Variants in FGGY observed in about 807,000 individuals in gnomAD.
FGGY encodes the protein FGGY carbohydrate kinase domain containing, also known as FGGY carbohydrate kinase domain-containing protein.
Under a neutral mutation model 71.3 loss-of-function variants are expected in FGGY, and 72 were observed. The ratio of observed to expected loss-of-function variants is 1.01; its 90% CI spans 0.84 to 1.23. The LOEUF is 1.23. Ranked by LOEUF, FGGY falls within the 50% of genes most tolerant of loss-of-function variation. The pLI is 0.00. For synonymous variants in FGGY, 251 were observed against 250.3 expected (o/e 1.00, Z -0.02); for missense variants, 668 against 682.3 (o/e 0.98, Z 0.23).
intron 7 of FGGY, among the ~76,000 whole-genome samples, chr1:59,537,400 A>G (rs1352892791): frequency 6.6e-6 from 1 of 152,232 alleles, no homozygotes; most frequent in African/African-American, 2.4e-5. Flanking sequence ...AAGAATCAAT[A>G]TCATGAAAAT....
At chr1:59,394,621 G>A (rs835427) in intron 5 of FGGY, among the ~76,000 whole-genome samples, 8,151 of 152,114 alleles carry the variant, frequency 0.054, 696 homozygotes, top group African/African-American at 0.19. Context: ...TGTTGCTGGC[G>A]TATAAGACCT....
intron 2 of FGGY, among the ~76,000 whole-genome samples, chr1:59,322,118 G>A (rs1353810765): frequency 6.6e-6 from 1 of 152,052 alleles, no homozygotes; most frequent in African/African-American, 2.4e-5. Context: ...GCACTGTGTA[G>A]TTGCATCTTC....
At chr1:59,373,079 G>A (rs1004416064) in intron 4 of FGGY, among the ~76,000 whole-genome samples, 2 of 152,130 alleles carry the variant, frequency 1.3e-5, no homozygotes, top group African/African-American at 2.4e-5. Flanking sequence ...GCAGGAGAAG[G>A]AAAGAATGGG....
chr1:59,499,299 G>GTTTGTTTTTTTT (rs774954925), intron 6 of FGGY, among the ~76,000 whole-genome samples: 4 of 105,804 alleles, frequency 3.8e-5, no homozygotes, highest in Admixed American at 3.3e-4. Context: ...TACTATGTTT[G>GTTTGTTTTTTTT]TTTTTTTTTT....
chr1:59,607,129 G>A (rs1017018788), intron 8 of FGGY, among the ~76,000 whole-genome samples: 12 of 152,208 alleles, frequency 7.9e-5, no homozygotes, highest in East Asian at 3.8e-4. Context: ...TTTGTTGGTT[G>A]GCTAGGTGAG....
At chr1:59,327,638 C>A (rs546915289) in intron 2 of FGGY, among the ~76,000 whole-genome samples, 1 of 152,254 alleles carries the variant, frequency 6.6e-6, no homozygotes, top group Admixed American at 6.5e-5. Context: ...AGTGGTAAAT[C>A]CTTTCCAGAA....
At chr1:59,584,412 C>A (rs547026101) in intron 8 of FGGY, among the ~76,000 whole-genome samples, 1 of 149,934 alleles carries the variant, frequency 6.7e-6, no homozygotes, top group African/African-American at 2.5e-5. Flanking sequence ...GAACAAACAA[C>A]AAAAACCATA....
rs112964749 is a variant in FGGY, at chr1:59,437,005, G to A, written c.555-19956G>A. On this transcript the variant is annotated intron_variant, in intron 5 of 15. Coordinates refer to ENST00000303721, the MANE Select transcript of FGGY (RefSeq NM_018291.5). ...ACCCATTGTTAATTAGAGCAGAGGA[G>A]GAACTTCAGATGCTGAGTTTGTCTT... 3.0e-3 allele frequency among the ~76,000 whole-genome samples: 461 copies of A among 152,284 alleles called. 1 individual carries two copies. Among genetic ancestry groups the A allele is most frequent in the South Asian group, 0.022 (104 of 4,818 alleles).
At chr1:59,527,608 G>A (rs1356796768) in intron 7 of FGGY, among the ~76,000 whole-genome samples, 2 of 152,216 alleles carry the variant, frequency 1.3e-5, no homozygotes, top group African/African-American at 4.8e-5. Flanking sequence ...GCTGCTGAAT[G>A]TTCTTCCAGA....
intron 1 of FGGY, among the ~76,000 whole-genome samples, chr1:59,312,971 T>C (rs147764511): frequency 2.0e-5 from 3 of 152,202 alleles, no homozygotes. Context: ...ACCATGTCCC[T>C]CTTCCAATCA....
chr1:59,583,812 T>A (rs1196887689), intron 8 of FGGY, among the ~76,000 whole-genome samples: 1 of 140,266 alleles, frequency 7.1e-6, no homozygotes, highest in Non-Finnish European at 1.5e-5. Flanking sequence ...GAGTGAGGAG[T>A]GAGAGGTCCA....
At chr1:59,296,979 C>A (rs1374845946), upstream of FGGY, 1 of 152,896 alleles carries the variant, frequency 6.5e-6, no homozygotes, top group East Asian at 1.9e-4. Flanking sequence ...TTAGCGCGCA[C>A]GCCCAGAAAG....
At chr1:59,706,998 A>G (rs534942614) in intron 14 of FGGY, among the ~76,000 whole-genome samples, 22 of 152,138 alleles carry the variant, frequency 1.4e-4, no homozygotes, top group Non-Finnish European at 3.1e-4. Context: ...AGAGGGCTGC[A>G]CCCCCTGCCC....
chr1:59,335,537 T>G (rs1396853619), intron 2 of FGGY, among the ~76,000 whole-genome samples: 1 of 152,218 alleles, frequency 6.6e-6, no homozygotes, highest in Non-Finnish European at 1.5e-5. Context: ...TTTGTGTTGA[T>G]GTATGTTTTT....
intron 6 of FGGY, among the ~76,000 whole-genome samples, chr1:59,484,625 C>A (rs1291351206): frequency 6.6e-6 from 1 of 152,168 alleles, no homozygotes; most frequent in African/African-American, 2.4e-5. Flanking sequence ...GAGTCACTCT[C>A]ACTTGCATTA....
intron 8 of FGGY, among the ~76,000 whole-genome samples, chr1:59,568,575 G>T (rs2095921032): frequency 6.6e-6 from 1 of 152,102 alleles, no homozygotes; most frequent in Non-Finnish European, 1.5e-5. Context: ...GAACCAAAAA[G>T]TATGGAGACA....
intron 14 of FGGY, among the ~76,000 whole-genome samples, chr1:59,736,322 G>A (rs1003096806): frequency 5.3e-5 from 8 of 152,226 alleles, no homozygotes; most frequent in South Asian, 2.1e-4. Flanking sequence ...CTGCTGAAAC[G>A]ATACCCAAAA....
chr1:59,548,535 T>A (rs979488609), intron 7 of FGGY, among the ~76,000 whole-genome samples: 1 of 152,130 alleles, frequency 6.6e-6, no homozygotes, highest in Non-Finnish European at 1.5e-5. Context: ...GGGATTCAAG[T>A]CTAACTCTGA....
chr1:59,452,635 T>G (rs191390911), intron 5 of FGGY, among the ~76,000 whole-genome samples: 38 of 152,346 alleles, frequency 2.5e-4, no homozygotes, highest in Admixed American at 2.0e-3. Flanking sequence ...ATTTTGACTT[T>G]CATATAGGTT....
Sources: gnomAD v4.1 joint callset for allele counts (sites outside exome capture counted in the v4.1 genomes callset) on GRCh38, gnomAD v4.1.1 for gene constraint, MANE v1.5 for transcripts, NCBI Gene and HGNC (gene_info 2026-07-23, HGNC 2026-07-21) for gene names.